CNTNAP2: variants seen among roughly 807,000 people sequenced by gnomAD.
CNTNAP2 encodes contactin-associated protein-like 2.
Under a neutral mutation model 155.2 loss-of-function variants are expected in CNTNAP2, and 98 were observed. The observed-to-expected ratio is 0.63, with a 90% CI of 0.54 to 0.75. CNTNAP2 has a LOEUF of 0.75. CNTNAP2 is among the 30% of genes least tolerant of loss of function. The pLI, the probability that CNTNAP2 is intolerant of heterozygous loss-of-function variation, is 0.00. For synonymous variants in CNTNAP2, 651 were observed against 631.2 expected (o/e 1.03, Z -0.47); for missense variants, 1,727 against 1,688.1 (o/e 1.02, Z -0.40).
chr7:146,781,573 T>G (rs1174484201), intron 2 of CNTNAP2, among the ~76,000 whole-genome samples: 1 of 152,110 alleles, frequency 6.6e-6, no homozygotes, highest in East Asian at 1.9e-4. Context: ...CACACTTACA[T>G]ACACATGTCC....
intron 20 of CNTNAP2, among the ~76,000 whole-genome samples, chr7:148,242,941 G>C (rs1213223443): frequency 6.6e-6 from 1 of 152,158 alleles, no homozygotes; most frequent in African/African-American, 2.4e-5. Context: ...TCTTTGAGCT[G>C]AGGAAATATA....
chr7:146,378,916 A>G (rs549874495), intron 1 of CNTNAP2, among the ~76,000 whole-genome samples: 16 of 152,356 alleles, frequency 1.1e-4, no homozygotes, highest in African/African-American at 3.8e-4. Context: ...GCAGAGAGAC[A>G]GAGATAAAAA....
rs1456355739 is a variant in CNTNAP2, at chr7:147,280,550, T to C, written c.1349-19591T>C. Among the ~76,000 whole-genome samples the C allele has an allele frequency of 3.3e-5, 5 of 152,008 alleles. No homozygotes were observed. In the East Asian group the frequency reaches 9.7e-4, roughly 29 times the overall value. ...TTGTAGTGCCCTTTGGGAAAGAACATTTTCTCTTTTAAAAGCCACACAAAG... is the reference window on the plus strand; with the variant it reads ...TTGTAGTGCCCTTTGGGAAAGAACACTTTCTCTTTTAAAAGCCACACAAAG... On this transcript the variant is annotated intron_variant, in intron 8 of 23. Transcript: ENST00000361727.
intron 3 of CNTNAP2, among the ~76,000 whole-genome samples, chr7:146,942,550 A>G (rs1797077056): frequency 6.6e-6 from 1 of 152,188 alleles, no homozygotes; most frequent in African/African-American, 2.4e-5. Context: ...ATTAAAAACA[A>G]AAAACTTGCA....
chr7:146,574,341 TTTGACA>T (rs1798489553), intron 1 of CNTNAP2, among the ~76,000 whole-genome samples: 1 of 152,196 alleles, frequency 6.6e-6, no homozygotes, highest in African/African-American at 2.4e-5. Flanking sequence ...CAATTCCATT[TTTGACA>T]TAAAGTTAAA....
chr7:147,621,250 A>G (rs1332034906), intron 12 of CNTNAP2, among the ~76,000 whole-genome samples: 1 of 152,108 alleles, frequency 6.6e-6, no homozygotes, highest in Non-Finnish European at 1.5e-5. Context: ...ACTTCAGTCC[A>G]CAAGATAAAG....
At chr7:147,181,745 A>C (rs1367624567) in intron 8 of CNTNAP2, among the ~76,000 whole-genome samples, 1 of 152,208 alleles carries the variant, frequency 6.6e-6, no homozygotes, top group Non-Finnish European at 1.5e-5. Flanking sequence ...AATATAAAAT[A>C]CTTGAAGGCA....
intron 9 of CNTNAP2, among the ~76,000 whole-genome samples, chr7:147,385,030 C>T (rs1796602091): frequency 1.3e-5 from 2 of 152,172 alleles, no homozygotes; most frequent in Admixed American, 1.3e-4. Flanking sequence ...GAGCAAGTCA[C>T]ATCTTACATG....
At chr7:146,754,579 T>TCTCTC in intron 1 of CNTNAP2, among the ~76,000 whole-genome samples, 7 of 151,286 alleles carry the variant, frequency 4.6e-5, no homozygotes, top group South Asian at 4.2e-4. Context: ...TCTCTCTCTC[T>TCTCTC]TTTTAACTGA....
chr7:147,104,873 CAT>C (rs56674675), intron 4 of CNTNAP2, among the ~76,000 whole-genome samples: 1,566 of 100,002 alleles, frequency 0.016, 8 homozygotes, highest in Non-Finnish European at 0.017. Flanking sequence ...CTTCCTCCCT[CAT>C]ATATATATAT....
intron 8 of CNTNAP2, among the ~76,000 whole-genome samples, chr7:147,147,027 C>A (rs1012933493): frequency 2.6e-5 from 4 of 152,096 alleles, no homozygotes; most frequent in Non-Finnish European, 4.4e-5. Context: ...CTGGGTAATT[C>A]ATAAAGAAAA....
intron 3 of CNTNAP2, among the ~76,000 whole-genome samples, chr7:147,012,575 A>G (rs1798647109): frequency 1.3e-5 from 2 of 152,184 alleles, no homozygotes; most frequent in African/African-American, 4.8e-5. Context: ...ACTTGAAAGT[A>G]AATGACAGAT....
At chr7:146,695,790 C>T (rs112609074) in intron 1 of CNTNAP2, among the ~76,000 whole-genome samples, 6 of 152,168 alleles carry the variant, frequency 3.9e-5, no homozygotes, top group African/African-American at 1.4e-4. Flanking sequence ...TTTAAATATG[C>T]ATATTTTGTT....
chr7:147,328,725 A>G (rs1795503923), intron 9 of CNTNAP2, among the ~76,000 whole-genome samples: 1 of 152,196 alleles, frequency 6.6e-6, no homozygotes, highest in Non-Finnish European at 1.5e-5. Context: ...ATCATTGGAG[A>G]GGAAGCCCCC....
intron 1 of CNTNAP2, among the ~76,000 whole-genome samples, chr7:146,611,098 A>T (rs979054821): frequency 1.3e-5 from 2 of 152,082 alleles, no homozygotes; most frequent in Admixed American, 6.6e-5. Context: ...CCGTTTATGT[A>T]TTTTGCTTTT....
intron 9 of CNTNAP2, among the ~76,000 whole-genome samples, chr7:147,357,659 A>C (rs943121481): frequency 5.3e-5 from 8 of 152,120 alleles, no homozygotes. Context: ...TCTCCTGGAC[A>C]CGAGTCTTGT....
At chr7:146,773,678 G>T (rs1277207608) in intron 1 of CNTNAP2, among the ~76,000 whole-genome samples, 1 of 152,218 alleles carries the variant, frequency 6.6e-6, no homozygotes, top group Non-Finnish European at 1.5e-5. Flanking sequence ...ACAGGCATGA[G>T]TCACCACTCC....
At chr7:146,869,311 G>T (rs2129206881) in intron 3 of CNTNAP2, among the ~76,000 whole-genome samples, 1 of 152,192 alleles carries the variant, frequency 6.6e-6, no homozygotes, top group Non-Finnish European at 1.5e-5. Flanking sequence ...TTGTTTATGT[G>T]ATGAATCACA....
intron 8 of CNTNAP2, among the ~76,000 whole-genome samples, chr7:147,194,978 G>T (rs1010540373): frequency 1.6e-4 from 25 of 152,110 alleles, no homozygotes; most frequent in African/African-American, 6.0e-4. Context: ...TGGCATTTTT[G>T]TCATGAAGTC....
Sources: allele counts gnomAD v4.1 joint callset (sites outside exome capture counted in the v4.1 genomes callset), GRCh38; gene constraint gnomAD v4.1.1; transcripts MANE v1.5; gene names NCBI Gene and HGNC (gene_info 2026-07-23, HGNC 2026-07-21).